Variants in GPR155 observed in about 807,000 individuals in gnomAD.
The protein encoded by GPR155 is G protein-coupled receptor 155, also known as lysosomal cholesterol signaling protein.
GPR155 carries 65 observed loss-of-function variants against 93.1 expected under a neutral mutation model. The observed-to-expected ratio is 0.70, with a 90% confidence interval of 0.57 to 0.86. The LOEUF is 0.86. GPR155 is among the 40% of genes least tolerant of loss of function. The pLI, the probability that GPR155 is intolerant of heterozygous loss-of-function variation, is 0.00. For missense variants in GPR155, 838 were observed against 1,034.8 expected, an observed-to-expected ratio of 0.81 and a Z score of 2.61; for synonymous variants, 319 against 360.1, an observed-to-expected ratio of 0.89 and a Z score of 1.29.
intron 2 of GPR155, among the ~76,000 whole-genome samples, chr2:174,479,474 T>C (rs557503651): frequency 2.6e-5 from 4 of 152,344 alleles, no homozygotes; most frequent in Admixed American, 1.3e-4. Context: ...GCTAGTTGTA[T>C]GACCTGGGAT....
intron 6 of GPR155, among the ~76,000 whole-genome samples, 183 bp downstream of exon 6, chr2:174,466,361 T>C (rs1030301892): frequency 2.0e-5 from 3 of 152,178 alleles, no homozygotes; most frequent in Non-Finnish European, 2.9e-5. Flanking sequence ...CTTTAGATAG[T>C]TTAAGACATT....
intron 15 of GPR155, among the ~76,000 whole-genome samples, chr2:174,439,265 T>C (rs987871078): frequency 6.6e-6 from 1 of 152,216 alleles, no homozygotes; most frequent in Non-Finnish European, 1.5e-5. Context: ...TTTTCTCTTT[T>C]ATGACAAAGA....
At position 174,473,155 on chromosome 2, in the gene GPR155, A is replaced by G. The variant is rs1206534389; in HGVS notation, c.670T>C (p.Phe224Leu). The change falls in exon 3 of 16, where the codon TTC becomes CTC. Residue 224 changes from phenylalanine to leucine, a missense_variant. Physicochemically the swap from Phe to Leu is conservative, Grantham distance 22. Coordinates refer to ENST00000392552, the MANE Select transcript of GPR155 (RefSeq NM_152529.7). ...VLQNPIVFMV[F>L]IGIAFNFILD... Reference sequence around the variant, plus strand: ...ATAAAATTGAAGGCGATGCCAATGAAGACCATAAATACTATTGGGTTCTGT... The same window carrying G: ...ATAAAATTGAAGGCGATGCCAATGAGGACCATAAATACTATTGGGTTCTGT... 1.2e-6 allele frequency: 2 copies of G among 1,612,348 alleles called. No homozygotes were observed. Among genetic ancestry groups the G allele is most frequent in the East Asian group, 4.5e-5 (2 of 44,860 alleles).
At chr2:174,475,208 T>C (rs1482975778) in intron 2 of GPR155, among the ~76,000 whole-genome samples, 2 of 134,274 alleles carry the variant, frequency 1.5e-5, no homozygotes, top group East Asian at 2.2e-4. Flanking sequence ...GGCGGGAGAA[T>C]GGCGTGAACC....
At chr2:174,448,579 G>T (rs1326676296) in intron 11 of GPR155, among the ~76,000 whole-genome samples, 4 of 136,216 alleles carry the variant, frequency 2.9e-5, no homozygotes, top group Non-Finnish European at 6.1e-5. Context: ...CGCCCAGGCC[G>T]GACTGCGGAC....
chr2:174,454,918 G>A (rs762982337), intron 10 of GPR155, among the ~76,000 whole-genome samples: 6 of 152,024 alleles, frequency 3.9e-5, no homozygotes, highest in Admixed American at 6.6e-5. Context: ...AGTGGGTACC[G>A]GATACTTGGG....
At chr2:174,436,487 C>A in intron 15 of GPR155, 71 bp from the exon 16 acceptor site, 6 of 1,407,566 alleles carry the variant, frequency 4.3e-6, no homozygotes, top group Admixed American at 2.0e-5. Context: ...AGAGGACAAG[C>A]AAGAAAAAAT....
chr2:174,447,479 T>A (rs1020913632), intron 11 of GPR155, among the ~76,000 whole-genome samples: 1 of 146,156 alleles, frequency 6.8e-6, no homozygotes, highest in Non-Finnish European at 1.5e-5. Context: ...ATGTTATAAA[T>A]GTATATTATA....
At chr2:174,439,134 T>C (rs369377494) in intron 15 of GPR155, among the ~76,000 whole-genome samples, 1 of 152,218 alleles carries the variant, frequency 6.6e-6, no homozygotes, top group Non-Finnish European at 1.5e-5. Flanking sequence ...ATTATAATGA[T>C]ATATATGTTA....
rs904928184 is a variant in GPR155 at position 174,469,616 on chromosome 2, T to C, written c.1027-549A>G. On this transcript the variant is annotated intron_variant, in intron 4 of 15. Transcript: ENST00000392552. ...TGATTTTAGCTATCTGCTGCAGTTA[T>C]TATGCAGTATTTTGCATCTGGTGCT... Among the ~76,000 whole-genome samples the C allele has an allele frequency of 3.3e-5, 5 of 152,350 alleles. No individual in the cohort carries two copies. In the East Asian group the frequency reaches 9.6e-4, roughly 29 times the overall value.
chr2:174,482,081 A>G (rs1270822733), intron 1 of GPR155, 94 bp from the exon 2 acceptor site: 7 of 648,494 alleles, frequency 1.1e-5, no homozygotes, highest in Non-Finnish European at 1.9e-5. Context: ...TACTTATTAA[A>G]TGGCCAAATA....
intron 14 of GPR155, 104 bp downstream of exon 14, chr2:174,442,015 T>G: frequency 1.4e-6 from 1 of 719,148 alleles, no homozygotes; most frequent in South Asian, 1.5e-5. Flanking sequence ...CCCAAAGTAC[T>G]GGGATTACAA....
intron 13 of GPR155, among the ~76,000 whole-genome samples, chr2:174,444,634 C>A (rs62175262): frequency 0.25 from 37,887 of 151,432 alleles, 5,678 homozygotes; most frequent in Middle Eastern, 0.47. Flanking sequence ...CTTGGATTAT[C>A]GGCATGGACT....
At chr2:174,452,872 G>A (rs1044831740) in intron 11 of GPR155, among the ~76,000 whole-genome samples, 3 of 152,092 alleles carry the variant, frequency 2.0e-5, no homozygotes, top group Non-Finnish European at 2.9e-5. Flanking sequence ...GGCTGGTCTC[G>A]AACTCCTGAC....
intron 5 of GPR155, among the ~76,000 whole-genome samples, chr2:174,467,863 G>T (rs1687885489): frequency 6.6e-6 from 1 of 152,030 alleles, no homozygotes; most frequent in Admixed American, 6.6e-5. Context: ...CAGCCACCCA[G>T]GTAGCTGGGA....
At chr2:174,459,096 TAAAC>T (rs1157990136) in intron 10 of GPR155, among the ~76,000 whole-genome samples, 3 of 151,732 alleles carry the variant, frequency 2.0e-5, no homozygotes, top group East Asian at 1.9e-4. Context: ...AATAAATAAA[TAAAC>T]AAACAAAGAA....
intron 2 of GPR155, among the ~76,000 whole-genome samples, chr2:174,479,891 G>A (rs1356124839): frequency 6.6e-6 from 1 of 152,106 alleles, no homozygotes; most frequent in African/African-American, 2.4e-5. Context: ...ACTATTTGTA[G>A]CTCAATTATC....
intron 15 of GPR155, among the ~76,000 whole-genome samples, chr2:174,439,138 T>C (rs1484663233): frequency 1.3e-5 from 2 of 152,158 alleles, no homozygotes; most frequent in Admixed American, 1.3e-4. Context: ...TAATGATATA[T>C]ATGTTAAATA....
rs1192151820 is a variant in GPR155, at chr2:174,481,565, A to T, written c.392T>A (p.Phe131Tyr). 7 of 1,613,362 alleles carry T rather than the reference A, an allele frequency of 4.3e-6. No individual in the cohort carries two copies. The highest frequency in any genetic ancestry group is 5.9e-6 in the Non-Finnish European group (7 of 1,179,914). The part of the protein sequence containing the change: ...TLLVASPDSR[F>Y]SKAGLFPIFA... ...AATAGGGAATAGTCCAGCTTTGCTA[A>T]ATCGACTATCAGGACTGGCAACCAA... The change falls in exon 2 of 16, where the codon TTT becomes TAT. Residue 131 changes from phenylalanine to tyrosine, a missense_variant. This residue lies in a region of GPR155 where 663 missense variants were observed against 790.1 expected (regional missense o/e 0.84). Transcript: ENST00000392552.
Sources: allele counts gnomAD v4.1 joint callset (sites outside exome capture counted in the v4.1 genomes callset), GRCh38; gene constraint gnomAD v4.1.1; regional missense constraint gnomAD v4.1.1; transcripts MANE v1.5; gene names NCBI Gene and HGNC (gene_info 2026-07-23, HGNC 2026-07-21).